Variants in ABCC12 observed in about 807,000 individuals in gnomAD.
The protein encoded by ABCC12 is ATP-binding cassette sub-family C member 12.
ABCC12 carries 142 observed loss-of-function variants against 151.1 expected under a neutral mutation model. The observed-to-expected ratio is 0.94, with a 90% CI of 0.82 to 1.08. The LOEUF is 1.08. ABCC12 is among the 50% of genes least tolerant of loss of function. ABCC12 has a pLI of 0.00. For missense variants in ABCC12, 1,638 were observed against 1,691.1 expected, an observed-to-expected ratio of 0.97 and a Z score of 0.55; for synonymous variants, 645 against 646.4, an observed-to-expected ratio of 1.00 and a Z score of 0.03.
chr16:48,087,103 A>T (rs980992727), intron 27 of ABCC12: 4 of 349,374 alleles, frequency 1.1e-5, no homozygotes, highest in Admixed American at 7.7e-5. Context: ...TCAGAAAGAC[A>T]CACCTGGGCC....
At chr16:48,146,135 G>T (rs1274929265) in intron 3 of ABCC12, among the ~76,000 whole-genome samples, 171 bp downstream of exon 3, 1 of 152,232 alleles carries the variant, frequency 6.6e-6, no homozygotes, top group Non-Finnish European at 1.5e-5. Context: ...AAGGACAGGA[G>T]GAGGCAAGGA....
chr16:48,115,646 A>G, intron 14 of ABCC12, 28 bp from the exon 15 acceptor site: 1 of 1,595,342 alleles, frequency 6.3e-7, no homozygotes, highest in Non-Finnish European at 8.6e-7. Context: ...GCTACTGCCC[A>G]TTGTCAGCCC....
chr16:48,153,525 A>G (rs991273501), intron 2 of ABCC12, 91 bp downstream of exon 2: 7 of 152,234 alleles, frequency 4.6e-5, no homozygotes, highest in Non-Finnish European at 1.0e-4. Context: ...ACTCACTCCC[A>G]GCCACCCAGT....
chr16:48,116,916 G>C (rs1963902828), intron 14 of ABCC12, among the ~76,000 whole-genome samples: 1 of 152,180 alleles, frequency 6.6e-6, no homozygotes, highest in African/African-American at 2.4e-5. Flanking sequence ...CCTGGGCAGA[G>C]CCAGTGAGGC....
chr16:48,099,680 C>T (rs554346808), intron 23 of ABCC12, among the ~76,000 whole-genome samples: 1 of 152,170 alleles, frequency 6.6e-6, no homozygotes, highest in Non-Finnish European at 1.5e-5. Context: ...TGGGACACTT[C>T]GCTAGGGTTG....
chr16:48,091,929 G>A (rs1962914509), intron 24 of ABCC12, among the ~76,000 whole-genome samples: 1 of 152,194 alleles, frequency 6.6e-6, no homozygotes, highest in Admixed American at 6.5e-5. Context: ...GATCACCTGG[G>A]TGGGTCCTAA....
chr16:48,096,172 AAGAAG>A (rs2150593234), intron 24 of ABCC12, among the ~76,000 whole-genome samples: 1 of 152,352 alleles, frequency 6.6e-6, no homozygotes, highest in East Asian at 1.9e-4. Flanking sequence ...AAAAGCAACC[AAGAAG>A]AGAAGTCAGT....
chr16:48,082,390 C>G lies in ABCC12; in HGVS notation c.*1325G>C, dbSNP rs1043079325. On this transcript the variant is annotated 3_prime_UTR_variant, in exon 31 of 31. Transcript: ENST00000311303. ...TTGGAGGTTAACCTCACATGCCCAGCCCTTGAATTGCTGGCTGTTGGCTTT... is the reference window on the plus strand; with the variant it reads ...TTGGAGGTTAACCTCACATGCCCAGGCCTTGAATTGCTGGCTGTTGGCTTT... 2.0e-5 allele frequency among the ~76,000 whole-genome samples: 3 copies of G among 152,240 alleles called. No homozygotes were observed. The highest frequency in any genetic ancestry group is 4.4e-5 in the Non-Finnish European group (3 of 68,046).
At chr16:48,107,113 G>A (rs1311674629) in intron 20 of ABCC12, among the ~76,000 whole-genome samples, 4 of 152,296 alleles carry the variant, frequency 2.6e-5, no homozygotes, top group Admixed American at 6.5e-5. Context: ...TCTGAAAGTG[G>A]TGTCTATACC....
chr16:48,108,497 G>T lies in ABCC12; in HGVS notation c.2314C>A (p.Pro772Thr). Residue 772 changes from proline (P) to threonine (T), a missense_variant, in exon 19 of 31, where the codon CCC becomes ACC. Pro to Thr is a conservative substitution (Grantham distance 38, BLOSUM62 -1). Coordinates refer to ENST00000311303, the MANE Select transcript of ABCC12 (RefSeq NM_001393797.1). ...PEHQLIQTES[P>T]QEGTVTWKTY... The stretch of plus-strand genomic sequence containing the variant: ...TTCCAGGTCACGGTTCCTTCCTGGG[G>T]GGATTCAGTCTGGATGAGCTGGTGC... The T allele has an allele frequency of 6.2e-7, 1 of 1,614,190 alleles. No individual in the cohort carries two copies. Among genetic ancestry groups the T allele is most frequent in the Non-Finnish European group, 8.5e-7 (1 of 1,180,038 alleles).
In ABCC12 at chr16:48,100,874, G is replaced by C. The variant is rs772550404; in HGVS notation, c.3036C>G (p.Thr1012=). 8 of 1,614,052 alleles carry C rather than the reference G, an allele frequency of 5.0e-6. No homozygotes were observed. The South Asian group carries it at 8.8e-5, about 18-fold the overall frequency. ...GCAGGGCCCCACATGGGACTCACTA[G>C]GTGATGCAGCTCTCCTTCTTGCCAT... The part of the protein sequence containing the change: ...HAYGKKESCI[T]YHLLYFNCAL... Residue 1012 remains threonine (T), a splice_region_variant and synonymous_variant, in exon 23 of 31, where the codon ACC becomes ACG. Transcript: ENST00000311303.
chr16:48,112,218 A>G (rs1176826749), intron 15 of ABCC12, among the ~76,000 whole-genome samples: 2 of 152,142 alleles, frequency 1.3e-5, no homozygotes, highest in African/African-American at 4.8e-5. Context: ...CATGAGTCCA[A>G]AAAAAAGCCA....
chr16:48,109,490 CA>C (rs1963612341), intron 18 of ABCC12, among the ~76,000 whole-genome samples: 1 of 152,192 alleles, frequency 6.6e-6, no homozygotes, highest in South Asian at 2.1e-4. Flanking sequence ...CAGAATTATA[CA>C]CCGTACTTGG....
At chr16:48,091,440 T>G (rs1487072161) in intron 24 of ABCC12, among the ~76,000 whole-genome samples, 1 of 152,192 alleles carries the variant, frequency 6.6e-6, no homozygotes, top group Non-Finnish European at 1.5e-5. Flanking sequence ...TAATTACATT[T>G]TTCCCTGGCA....
chr16:48,123,805 T>C (rs1353013856), intron 12 of ABCC12, among the ~76,000 whole-genome samples: 1 of 152,226 alleles, frequency 6.6e-6, no homozygotes, highest in Non-Finnish European at 1.5e-5. Flanking sequence ...GCTGCTTTAG[T>C]TCAGGCATAA....
chr16:48,108,474 C>A lies in ABCC12; in HGVS notation c.2337G>T (p.Trp779Cys). 6.2e-7 allele frequency: 1 copy of A among 1,614,150 alleles called. No individual in the cohort carries two copies. The highest frequency in any genetic ancestry group is 8.5e-7 in the Non-Finnish European group (1 of 1,180,028). Residue 779 changes from tryptophan to cysteine, a missense_variant, in exon 19 of 31, where the codon TGG becomes TGT. Trp to Cys is a radical substitution (Grantham distance 215, BLOSUM62 -2). Transcript: ENST00000311303. ...TESPQEGTVT[W>C]KTYHTYIKAS... ...CCTTAATGTACGTGTGATATGTTTT[C>A]CAGGTCACGGTTCCTTCCTGGGGGG...
Position 48,139,171 on chromosome 16 carries a change from G to A in ABCC12, c.823C>T (p.Pro275Ser), listed in dbSNP as rs769351810. ...CAAAAGCCTGCCGTTACCTGGACGG[G>A]TATGAATATGACATACACTGATATC... Reference protein sequence around the residue: ...IGISVYVIFIPVQMFMAKLNS... With the variant: ...IGISVYVIFISVQMFMAKLNS... Residue 275 changes from proline to serine, a missense_variant, in exon 7 of 31, where the codon CCC (proline) becomes TCC (serine). Physicochemically the swap from Pro to Ser is moderately conservative, Grantham distance 74. Transcript: ENST00000311303. 2 of 1,596,730 alleles carry A rather than the reference G, an allele frequency of 1.3e-6. No homozygotes were observed. The highest frequency in any genetic ancestry group is 2.7e-5 in the African/African-American group (2 of 73,830).
At chr16:48,140,399 C>CTGACCATCAAAGCGATTGGATTA (rs1157626917) in intron 6 of ABCC12, among the ~76,000 whole-genome samples, 1 of 152,188 alleles carries the variant, frequency 6.6e-6, no homozygotes, top group Admixed American at 6.5e-5. Context: ...TACTCCTCCA[C>CTGACCATCAAAGCGATTGGATTA]AGTCCCCACT....
chr16:48,104,700 C>T (rs1392361687), intron 21 of ABCC12, among the ~76,000 whole-genome samples: 1 of 152,190 alleles, frequency 6.6e-6, no homozygotes, highest in East Asian at 1.9e-4. Context: ...AATAAAAAGC[C>T]AAGTTTCACT....
Sources: allele counts gnomAD v4.1 joint callset (sites outside exome capture counted in the v4.1 genomes callset), GRCh38; gene constraint gnomAD v4.1.1; transcripts MANE v1.5; gene names NCBI Gene and HGNC (gene_info 2026-07-23, HGNC 2026-07-21).